Variants in TSPAN15 observed in about 807,000 individuals in gnomAD.
The protein encoded by TSPAN15 is tetraspanin 15, also known as tetraspanin-15.
A neutral mutation model predicts 34.5 loss-of-function variants in TSPAN15; 20 were observed. The ratio of observed to expected loss-of-function variants is 0.58; its 90% CI spans 0.41 to 0.84. TSPAN15 has a LOEUF of 0.84. Among genes scored for constraint, TSPAN15 ranks in the 40% least tolerant of loss-of-function variants. The pLI, the probability that TSPAN15 is intolerant of heterozygous loss-of-function variation, is 0.00. For missense variants in TSPAN15, 313 were observed against 386.1 expected (o/e 0.81, Z 1.59); for synonymous variants, 155 against 153.9 (o/e 1.01, Z -0.05).
intron 1 of TSPAN15, among the ~76,000 whole-genome samples, chr10:69,458,620 A>T (rs192398652): frequency 2.9e-4 from 44 of 152,222 alleles, no homozygotes; most frequent in African/African-American, 9.4e-4. Flanking sequence ...GTCAGAGATG[A>T]TCTCATAGCA....
the TSPAN15 span, among the ~76,000 whole-genome samples, chr10:69,518,059 A>G: frequency 6.6e-6 from 1 of 152,268 alleles, no homozygotes; most frequent in Non-Finnish European, 1.5e-5. Context: ...TGGCAAAGAC[A>G]GAATATGTGT....
At position 69,506,341 on chromosome 10, in the gene TSPAN15, C is replaced by A; in HGVS notation, c.735+101C>A. ...CGAAGAGGCTTTTTTCATAGAAGTC[C>A]AGGACTTGCCTGGGGAGGGCTGCAT... is the stretch of plus-strand genomic sequence containing the variant. On this transcript the variant is annotated intron_variant, in intron 7 of 7. Transcript: ENST00000373290. The surrounding 1 kb of genome is among the most constrained non-coding windows in gnomAD (Gnocchi z 4.7). The A allele has an allele frequency of 8.7e-7, 1 of 1,144,984 alleles. No homozygotes were observed. Among genetic ancestry groups the A allele is most frequent in the Non-Finnish European group, 1.3e-6 (1 of 781,380 alleles). 70.9% of individuals were successfully genotyped at this position (1,144,984 alleles called of 1,614,324 possible).
intron 3 of TSPAN15, among the ~76,000 whole-genome samples, chr10:69,491,918 C>G (rs575947701): frequency 1.6e-4 from 25 of 152,322 alleles, no homozygotes; most frequent in Admixed American, 1.4e-3. Flanking sequence ...TGCCTCACCC[C>G]CTTCAGTTCC....
chr10:69,491,632 G>C (rs1328189524), intron 3 of TSPAN15, among the ~76,000 whole-genome samples: 1 of 151,938 alleles, frequency 6.6e-6, no homozygotes, highest in African/African-American at 2.4e-5. Context: ...CAAAGTACTG[G>C]GATTATAGGC....
rs138052153 is a variant in TSPAN15 at position 69,461,093 on chromosome 10, G to A, written c.96+9403G>A. 4.1e-3 allele frequency among the ~76,000 whole-genome samples: 619 copies of A among 152,302 alleles called. 5 individuals are homozygous for A. The highest frequency in any genetic ancestry group is 0.013 in the African/African-American group (557 of 41,572). ...ATCTGGCTGGGTAACCGTTCATGCAGATGCTGGGAGGAGACGCCGTCTGCC... is the reference window on the plus strand; with the variant it reads ...ATCTGGCTGGGTAACCGTTCATGCAAATGCTGGGAGGAGACGCCGTCTGCC... On this transcript the variant is annotated intron_variant, in intron 1 of 7. Coordinates refer to ENST00000373290, the MANE Select transcript of TSPAN15 (RefSeq NM_012339.5).
chr10:69,544,781 C>T, the TSPAN15 span, among the ~76,000 whole-genome samples: 1 of 152,170 alleles, frequency 6.6e-6, no homozygotes, highest in Non-Finnish European at 1.5e-5. Flanking sequence ...TCCAGGGCCA[C>T]AAGCGTGTCC....
the TSPAN15 span, among the ~76,000 whole-genome samples, chr10:69,539,415 GGAA>G: frequency 3.3e-4 from 34 of 102,086 alleles, 3 homozygotes; most frequent in East Asian, 2.0e-3. Flanking sequence ...AAGAGGAAGA[GGAA>G]GAAGAAGAAA....
chr10:69,549,125 C>T, the TSPAN15 span, among the ~76,000 whole-genome samples: 3 of 151,952 alleles, frequency 2.0e-5, no homozygotes, highest in Non-Finnish European at 4.4e-5. Context: ...ACTAGAAATA[C>T]ACAGAATTAG....
chr10:69,513,572 C>G, the TSPAN15 span, among the ~76,000 whole-genome samples: 1 of 152,128 alleles, frequency 6.6e-6, no homozygotes, highest in Non-Finnish European at 1.5e-5. Flanking sequence ...ACTTGATGAA[C>G]TCCAACTTAT....
chr10:69,480,268 G>A (rs141551602), intron 1 of TSPAN15, among the ~76,000 whole-genome samples: 11 of 152,282 alleles, frequency 7.2e-5, no homozygotes, highest in Non-Finnish European at 1.6e-4. Context: ...AGGAGGAATG[G>A]GAACAGGATG....
downstream of TSPAN15, among the ~76,000 whole-genome samples, chr10:69,511,342 A>G (rs1400337128): frequency 6.6e-6 from 1 of 152,108 alleles, no homozygotes; most frequent in Non-Finnish European, 1.5e-5. Context: ...CATTTCTTCT[A>G]GATTTTCTAG....
the TSPAN15 span, among the ~76,000 whole-genome samples, chr10:69,539,916 G>A: frequency 6.6e-6 from 1 of 151,372 alleles, no homozygotes; most frequent in Admixed American, 6.6e-5. Flanking sequence ...CTAGAGCTTA[G>A]CCCTCAGCCA....
At chr10:69,547,251 T>C in the TSPAN15 span, among the ~76,000 whole-genome samples, 2 of 152,044 alleles carry the variant, frequency 1.3e-5, no homozygotes, top group African/African-American at 4.8e-5. Flanking sequence ...TATCACTTGC[T>C]CTTCATCTTC....
chr10:69,501,631 C>A (rs952633617), intron 5 of TSPAN15, among the ~76,000 whole-genome samples: 1 of 152,196 alleles, frequency 6.6e-6, no homozygotes, highest in African/African-American at 2.4e-5. Flanking sequence ...AATATAAAAT[C>A]CTGCTATCTA....
At chr10:69,484,559 C>G (rs757033043) in intron 2 of TSPAN15, among the ~76,000 whole-genome samples, 1 of 152,216 alleles carries the variant, frequency 6.6e-6, no homozygotes, top group Non-Finnish European at 1.5e-5. Flanking sequence ...CATTGTCTCC[C>G]CTCATATGGG....
the TSPAN15 span, among the ~76,000 whole-genome samples, chr10:69,546,926 A>G: frequency 2.4e-4 from 36 of 152,044 alleles, no homozygotes; most frequent in African/African-American, 8.7e-4. Flanking sequence ...GGAGGATCAC[A>G]TGAGGTCAGG....
the TSPAN15 span, among the ~76,000 whole-genome samples, chr10:69,539,329 A>G: frequency 6.6e-6 from 1 of 151,652 alleles, no homozygotes; most frequent in Non-Finnish European, 1.5e-5. Context: ...CTACACCAAA[A>G]TCTCAGAAAC....
chr10:69,474,800 G>C (rs1227362353), intron 1 of TSPAN15, among the ~76,000 whole-genome samples: 1 of 152,158 alleles, frequency 6.6e-6, no homozygotes, highest in Non-Finnish European at 1.5e-5. Context: ...CGCAGCTAGA[G>C]CTCCAACCCC....
chr10:69,528,519 C>A, the TSPAN15 span, among the ~76,000 whole-genome samples: 1 of 148,768 alleles, frequency 6.7e-6, no homozygotes, highest in African/African-American at 2.4e-5. Flanking sequence ...AGGCAAGGGG[C>A]CTGCCCTGTT....
Sources: allele counts gnomAD v4.1 joint callset (sites outside exome capture counted in the v4.1 genomes callset), GRCh38; gene constraint gnomAD v4.1.1; non-coding constraint Gnocchi (gnomAD v3.1); transcripts MANE v1.5; gene names NCBI Gene and HGNC (gene_info 2026-07-23, HGNC 2026-07-21).